GRIP1: variants seen among roughly 807,000 people sequenced by gnomAD.
GRIP1 encodes glutamate receptor interacting protein 1.
GRIP1 carries 45 observed loss-of-function variants against 129.9 expected under a neutral mutation model. That is an observed-to-expected ratio of 0.35 (90% CI 0.27 to 0.44). GRIP1 has a LOEUF of 0.44. Among genes scored for constraint, GRIP1 ranks in the 20% least tolerant of loss-of-function variants. The probability of loss-of-function intolerance (pLI) is 1.00; values close to 1 mark genes in which losing one functional copy is unlikely to be tolerated. For missense variants in GRIP1, 1,196 were observed against 1,396.8 expected, an observed-to-expected ratio of 0.86 and a Z score of 2.29; for synonymous variants, 530 against 520.8, an observed-to-expected ratio of 1.02 and a Z score of -0.24.
chr12:66,631,691 G>T (rs189426878), intron 1 of GRIP1, among the ~76,000 whole-genome samples: 1 of 152,256 alleles, frequency 6.6e-6, no homozygotes, highest in East Asian at 1.9e-4. Context: ...AAAGACAAGT[G>T]ATACTATGCT....
intron 14 of GRIP1, among the ~76,000 whole-genome samples, chr12:66,426,952 T>C (rs1167464666): frequency 6.6e-6 from 1 of 152,192 alleles, no homozygotes; most frequent in African/African-American, 2.4e-5. Flanking sequence ...AACTCTCTAT[T>C]GCATGCTTTC....
chr12:66,365,118 TTAAAA>T (rs1466636456), intron 23 of GRIP1, among the ~76,000 whole-genome samples: 2 of 152,188 alleles, frequency 1.3e-5, no homozygotes, highest in Non-Finnish European at 2.9e-5. Context: ...ATGTGACTAT[TTAAAA>T]TAAAATAAAA....
At chr12:66,630,855 A>C (rs961898013) in intron 1 of GRIP1, among the ~76,000 whole-genome samples, 1 of 152,224 alleles carries the variant, frequency 6.6e-6, no homozygotes, top group South Asian at 2.1e-4. Context: ...AATAGCCAGA[A>C]AGCATTTCTG....
At chr12:66,571,252 A>C (rs771346370) in intron 2 of GRIP1, among the ~76,000 whole-genome samples, 3 of 152,174 alleles carry the variant, frequency 2.0e-5, no homozygotes, top group Non-Finnish European at 4.4e-5. Context: ...ATATTTACCG[A>C]TTTGTATTGA....
At chr12:66,815,832 C>CTTTCTTTCTTTTTCTTTCT (rs1555241770) in intron 1 of GRIP1, among the ~76,000 whole-genome samples, 1 of 37,434 alleles carries the variant, frequency 2.7e-5, no homozygotes, top group African/African-American at 4.8e-5. Context: ...TTCTTTCTTT[C>CTTTCTTTCTTTTTCTTTCT]TTTCTTTCTT....
At chr12:66,983,911 G>A (rs11176515) in intron 1 of GRIP1, among the ~76,000 whole-genome samples, 36,673 of 151,992 alleles carry the variant, frequency 0.24, 4,882 homozygotes, top group East Asian at 0.4. Context: ...ACTCCAGGCA[G>A]GAAGCACCTC....
intron 2 of GRIP1, among the ~76,000 whole-genome samples, chr12:66,586,558 C>A (rs2063645800): frequency 6.6e-6 from 1 of 152,128 alleles, no homozygotes; most frequent in South Asian, 2.1e-4. Flanking sequence ...AAATTTCTAT[C>A]TCCACCTAAG....
At chr12:66,627,182 G>T (rs1477415258) in intron 1 of GRIP1, among the ~76,000 whole-genome samples, 1 of 152,130 alleles carries the variant, frequency 6.6e-6, no homozygotes, top group Non-Finnish European at 1.5e-5. Flanking sequence ...TTCATCAGAT[G>T]ATTTCTTTGT....
intron 1 of GRIP1, among the ~76,000 whole-genome samples, chr12:66,676,061 T>C (rs1427958394): frequency 6.6e-6 from 1 of 152,166 alleles, no homozygotes; most frequent in Non-Finnish European, 1.5e-5. Flanking sequence ...TAGAAATACA[T>C]GTTTTATACA....
chr12:66,882,938 G>A lies in GRIP1; in HGVS notation c.58+186112C>T, dbSNP rs1306298017. On this transcript the variant is annotated intron_variant, in intron 1 of 1. Transcript: ENST00000643019. ...CATAACCAAAGAGACACCTTTAGTG[G>A]ATTCTGGCTCCAGAATTGGGGAAGA... Among the ~76,000 whole-genome samples the A allele has an allele frequency of 2.0e-5, 3 of 152,138 alleles. No homozygotes were observed. The South Asian group carries it at 6.2e-4, about 32-fold the overall frequency.
Position 66,994,162 on chromosome 12 carries a change from C to T in GRIP1, c.58+74888G>A, listed in dbSNP as rs953092922. Among the ~76,000 whole-genome samples the T allele has an allele frequency of 7.3e-5, 11 of 151,536 alleles. No homozygotes were observed. In the South Asian group the frequency reaches 1.0e-3, roughly 14 times the overall value. On this transcript the variant is annotated intron_variant, in intron 1 of 1. Transcript: ENST00000643019. ...ACACAACACAACACATTTCCTGAGG[C>T]CAGTATTGCCCTGATATCAAAACCA...
intron 13 of GRIP1, among the ~76,000 whole-genome samples, chr12:66,440,479 C>T (rs759259454): frequency 1.3e-5 from 2 of 152,204 alleles, no homozygotes; most frequent in Non-Finnish European, 2.9e-5. Flanking sequence ...TCTTCCAAGC[C>T]TCTGGTAACC....
intron 1 of GRIP1, among the ~76,000 whole-genome samples, chr12:67,062,618 A>G (rs1305631550): frequency 1.3e-5 from 2 of 151,968 alleles, no homozygotes; most frequent in African/African-American, 2.4e-5. Context: ...AAGCTGTCCT[A>G]GAGTTATCTG....
intron 1 of GRIP1, among the ~76,000 whole-genome samples, chr12:66,981,976 G>C (rs190883854): frequency 3.3e-5 from 5 of 152,204 alleles, no homozygotes; most frequent in African/African-American, 1.2e-4. Flanking sequence ...TGTTACCTTT[G>C]AGGAAACTGA....
chr12:66,699,127 C>T (rs2035263820), intron 1 of GRIP1, among the ~76,000 whole-genome samples: 1 of 152,130 alleles, frequency 6.6e-6, no homozygotes. Flanking sequence ...CCATCTTTCC[C>T]TTGGAGTACT....
intron 15 of GRIP1, among the ~76,000 whole-genome samples, chr12:66,408,395 C>T (rs377034549): frequency 3.8e-4 from 58 of 152,282 alleles, no homozygotes; most frequent in African/African-American, 1.4e-3. Context: ...AGGAGAATCA[C>T]TTGAACCTGG....
intron 19 of GRIP1, among the ~76,000 whole-genome samples, chr12:66,384,355 G>A (rs1266474709): frequency 2.6e-5 from 4 of 152,146 alleles, no homozygotes; most frequent in African/African-American, 4.8e-5. Context: ...ATTTGAAACC[G>A]ATTAAGAGGT....
chr12:66,786,399 G>T (rs748529), intron 1 of GRIP1, among the ~76,000 whole-genome samples: 5,752 of 152,216 alleles, frequency 0.038, 215 homozygotes, highest in South Asian at 0.12. Flanking sequence ...GTGTCTTACA[G>T]CAAACTGCAA....
intron 5 of GRIP1, 87 bp from the exon 6 acceptor site, chr12:66,518,063 T>C: frequency 1.2e-6 from 1 of 819,956 alleles, no homozygotes; most frequent in Non-Finnish European, 2.2e-6. Flanking sequence ...CTGAGAAATG[T>C]CCTACTTGAT....
Sources: allele counts gnomAD v4.1 joint callset (sites outside exome capture counted in the v4.1 genomes callset), GRCh38; gene constraint gnomAD v4.1.1; transcripts MANE v1.5; gene names NCBI Gene and HGNC (gene_info 2026-07-23, HGNC 2026-07-21).